Variants in ATRNL1 observed in about 807,000 individuals in gnomAD.
The protein encoded by ATRNL1 is attractin like 1, also known as attractin-like protein 1.
A neutral mutation model predicts 182.7 loss-of-function variants in ATRNL1; 95 were observed. That is an observed-to-expected ratio of 0.52 (90% CI 0.44 to 0.62). The LOEUF (loss-of-function observed/expected upper bound fraction) is 0.62. Among genes scored for constraint, ATRNL1 ranks in the 20% least tolerant of loss-of-function variants. The pLI is 0.00. For missense variants in ATRNL1, 1,471 were observed against 1,679.5 expected (o/e 0.88, Z 2.17); for synonymous variants, 576 against 568.3 (o/e 1.01, Z -0.19).
intron 24 of ATRNL1, among the ~76,000 whole-genome samples, chr10:115,481,293 T>C (rs1848753513): frequency 1.3e-5 from 2 of 150,656 alleles, no homozygotes; most frequent in Non-Finnish European, 3.0e-5. Context: ...GAGTTATTTT[T>C]GTTTTAAAAA....
rs112832220 is a variant in ATRNL1, at chr10:115,898,751, T to C, written c.4019-45907T>C. Among the ~76,000 whole-genome samples, 226 of 152,296 alleles carry C rather than the reference T, an allele frequency of 1.5e-3. 1 individual carries two copies. Among genetic ancestry groups the C allele is most frequent in the African/African-American group, 4.9e-3 (203 of 41,560 alleles). The stretch of plus-strand genomic sequence containing the variant: ...ACCGTAATGAATGACGAACCCCTGA[T>C]ATGTTGTGTAGTTATAAGTCACCAA... On this transcript the variant is annotated intron_variant, in intron 28 of 28. Transcript: ENST00000355044.
At chr10:115,505,834 A>C (rs547867238) in intron 24 of ATRNL1, among the ~76,000 whole-genome samples, 1 of 151,754 alleles carries the variant, frequency 6.6e-6, no homozygotes, top group South Asian at 2.1e-4. Flanking sequence ...CTCCTTTAAA[A>C]ATTTTTTTAA....
At chr10:115,943,448 T>C (rs1272719528) in intron 28 of ATRNL1, among the ~76,000 whole-genome samples, 8 of 152,128 alleles carry the variant, frequency 5.3e-5, no homozygotes, top group Admixed American at 6.5e-5. Context: ...CATTAGAGAA[T>C]TGCAAATTTA....
chr10:115,399,851 G>A (rs181086040), intron 20 of ATRNL1, among the ~76,000 whole-genome samples: 1 of 152,078 alleles, frequency 6.6e-6, no homozygotes, highest in East Asian at 1.9e-4. Context: ...AGACAACCTA[G>A]GCAATGCCGT....
At chr10:115,938,420 A>T (rs1340353624) in intron 28 of ATRNL1, among the ~76,000 whole-genome samples, 1 of 152,206 alleles carries the variant, frequency 6.6e-6, no homozygotes, top group Non-Finnish European at 1.5e-5. Context: ...TCATGTTTTC[A>T]CATGTTTCAA....
chr10:115,797,664 C>T (rs1555083324), intron 27 of ATRNL1, among the ~76,000 whole-genome samples: 2 of 152,172 alleles, frequency 1.3e-5, no homozygotes, highest in South Asian at 4.1e-4. Flanking sequence ...AACCCTTTGA[C>T]AATCAATAAA....
At chr10:115,142,674 CTG>C (rs1367676257) in intron 5 of ATRNL1, among the ~76,000 whole-genome samples, 17 of 152,128 alleles carry the variant, frequency 1.1e-4, no homozygotes, top group Admixed American at 7.2e-4. Context: ...TGAGAATAGA[CTG>C]TAGTAGCAGT....
intron 14 of ATRNL1, among the ~76,000 whole-genome samples, chr10:115,284,738 A>G (rs1254731024): frequency 1.3e-5 from 2 of 152,338 alleles, no homozygotes; most frequent in East Asian, 3.9e-4. Flanking sequence ...ATGCTATTCC[A>G]ATAGACTGAA....
intron 8 of ATRNL1, among the ~76,000 whole-genome samples, chr10:115,193,809 T>C (rs959788085): frequency 6.6e-6 from 1 of 151,848 alleles, no homozygotes; most frequent in Non-Finnish European, 1.5e-5. Context: ...ATTTGAAGCT[T>C]TTCTATTTTT....
intron 8 of ATRNL1, among the ~76,000 whole-genome samples, chr10:115,199,348 C>T (rs1474175021): frequency 6.6e-6 from 1 of 151,952 alleles, no homozygotes; most frequent in Non-Finnish European, 1.5e-5. Flanking sequence ...GGGCGGATCA[C>T]AAGGTCAAGA....
At chr10:115,637,603 C>CTATTACTATTAT (rs1555028676) in intron 26 of ATRNL1, among the ~76,000 whole-genome samples, 5 of 141,816 alleles carry the variant, frequency 3.5e-5, no homozygotes, top group African/African-American at 1.0e-4. Context: ...CAATTTATTA[C>CTATTACTATTAT]TATTATTATT....
At chr10:115,851,188 C>T (rs1028195732) in intron 28 of ATRNL1, among the ~76,000 whole-genome samples, 5 of 151,924 alleles carry the variant, frequency 3.3e-5, no homozygotes, top group African/African-American at 4.8e-5. Flanking sequence ...GTGTACTCTC[C>T]GTTGGCATGA....
At chr10:115,848,020 T>G (rs1565432562) in intron 28 of ATRNL1, 29 bp downstream of exon 28, 1 of 1,243,058 alleles carries the variant, frequency 8.0e-7, no homozygotes, top group Non-Finnish European at 1.2e-6. Context: ...CTTCAGCAGT[T>G]AAGCAAAACT....
intron 26 of ATRNL1, among the ~76,000 whole-genome samples, chr10:115,609,810 G>T (rs1045518717): frequency 6.6e-6 from 1 of 152,108 alleles, no homozygotes; most frequent in Non-Finnish European, 1.5e-5. Flanking sequence ...GAGGTAAATG[G>T]TGAAATATCT....
intron 26 of ATRNL1, among the ~76,000 whole-genome samples, chr10:115,663,334 T>C (rs1454278417): frequency 6.6e-6 from 1 of 152,070 alleles, no homozygotes; most frequent in East Asian, 1.9e-4. Context: ...ATATTATAAT[T>C]TCAGCCATTT....
chr10:115,545,457 C>T (rs1554993425), intron 25 of ATRNL1, among the ~76,000 whole-genome samples: 1 of 151,940 alleles, frequency 6.6e-6, no homozygotes, highest in East Asian at 1.9e-4. Flanking sequence ...TAGGAATTAC[C>T]ATAGAAAGCA....
intron 1 of ATRNL1, among the ~76,000 whole-genome samples, chr10:115,116,280 T>TA (rs576235796): frequency 6.6e-6 from 1 of 151,892 alleles, no homozygotes; most frequent in Admixed American, 6.6e-5. Flanking sequence ...ATAGAAAGTT[T>TA]AAAAAAAAGT....
intron 28 of ATRNL1, among the ~76,000 whole-genome samples, chr10:115,933,271 T>G (rs1460102429): frequency 2.0e-5 from 3 of 152,228 alleles, no homozygotes; most frequent in African/African-American, 4.8e-5. Context: ...AGAGTCAGCT[T>G]CTTCACTAGT....
chr10:115,725,988 GT>G (rs1947584338), intron 26 of ATRNL1, among the ~76,000 whole-genome samples: 1 of 152,032 alleles, frequency 6.6e-6, no homozygotes. Context: ...AACTTAAATT[GT>G]TACTTATTAA....
Sources: gnomAD v4.1 joint callset for allele counts (sites outside exome capture counted in the v4.1 genomes callset) on GRCh38, gnomAD v4.1.1 for gene constraint, MANE v1.5 for transcripts, NCBI Gene and HGNC (gene_info 2026-07-23, HGNC 2026-07-21) for gene names.